Variants in TNR observed in about 807,000 individuals in gnomAD.
TNR encodes tenascin R.
In TNR, 45 loss-of-function variants were observed where a neutral mutation model predicts 150.4. The ratio of observed to expected loss-of-function variants is 0.30; its 90% confidence interval spans 0.24 to 0.38. The LOEUF is 0.38. TNR is among the 10% of genes least tolerant of loss of function. The pLI, the probability that TNR is intolerant of heterozygous loss-of-function variation, is 1.00. For synonymous variants in TNR, 687 were observed against 678.4 expected (o/e 1.01, Z -0.20); for missense variants, 1,544 against 1,759.1 (o/e 0.88, Z 2.19).
intron 6 of TNR, 140 bp from the exon 7 acceptor site, chr1:175,391,578 C>T: frequency 1.1e-6 from 1 of 938,550 alleles, no homozygotes; most frequent in South Asian, 1.7e-5. Context: ...TCCATGCTGA[C>T]AGCTGAGTAT....
chr1:175,599,946 G>A lies in TNR; in HGVS notation c.-164-71577C>T, dbSNP rs1403422815. ...CGGTTCTACAGGAGGGAGGAAAAGA[G>A]TGAGCCATATGATAGAGTAAAATCC... On this transcript the variant is annotated intron_variant, in intron 1 of 22. Coordinates refer to ENST00000367674, the MANE Select transcript of TNR (RefSeq NM_003285.3). The surrounding 1 kb of genome is among the most constrained non-coding windows in gnomAD (Gnocchi z 4.7). 5.3e-5 allele frequency among the ~76,000 whole-genome samples: 8 copies of A among 152,340 alleles called. No homozygotes were observed. Among genetic ancestry groups the A allele is most frequent in the African/African-American group, 1.7e-4 (7 of 41,576 alleles).
At chr1:175,447,593 A>T (rs1383425172) in intron 2 of TNR, among the ~76,000 whole-genome samples, 4 of 152,230 alleles carry the variant, frequency 2.6e-5, no homozygotes, top group Non-Finnish European at 5.9e-5. Context: ...AATCAGAAGC[A>T]GGGGGACCTC....
In TNR at chr1:175,382,409, C is replaced by A. The variant is rs374285301; in HGVS notation, c.1778-2672G>T. 3.9e-5 allele frequency among the ~76,000 whole-genome samples: 6 copies of A among 152,326 alleles called. No individual in the cohort carries two copies. In the South Asian group the frequency reaches 1.2e-3, roughly 32 times the overall value. On this transcript the variant is annotated intron_variant, in intron 8 of 22. Coordinates refer to ENST00000367674, the MANE Select transcript of TNR (RefSeq NM_003285.3). ...GGTCTTGTATGAGCAGGAAGTCCTA[C>A]CCTGCTCTTTGCAGCCAGATTCTTG... is the stretch of plus-strand genomic sequence containing the variant.
intron 2 of TNR, among the ~76,000 whole-genome samples, chr1:175,413,441 T>C (rs1212349329): frequency 3.9e-5 from 6 of 152,248 alleles, no homozygotes. Flanking sequence ...TCATCTCCTT[T>C]AGAGAGGTCC....
intron 1 of TNR, among the ~76,000 whole-genome samples, chr1:175,608,415 A>C (rs965998176): frequency 6.6e-6 from 1 of 152,220 alleles, no homozygotes; most frequent in East Asian, 1.9e-4. Flanking sequence ...AAGTAAATGC[A>C]ATTGTAAGTA....
At chr1:175,671,501 G>T (rs182873247) in intron 1 of TNR, among the ~76,000 whole-genome samples, 1 of 152,170 alleles carries the variant, frequency 6.6e-6, no homozygotes, top group Admixed American at 6.5e-5. Flanking sequence ...CCCCTGAATG[G>T]GTATGGTGAT....
At position 175,484,510 on chromosome 1, in the gene TNR, T is replaced by C. The variant is rs185288308; in HGVS notation, c.-64+43759A>G. Among the ~76,000 whole-genome samples, 4 of 152,292 alleles carry C rather than the reference T, an allele frequency of 2.6e-5. No individual in the cohort carries two copies. The East Asian group carries it at 5.8e-4, about 22-fold the overall frequency. On this transcript the variant is annotated intron_variant, in intron 2 of 22. Transcript: ENST00000367674. ...CCACCCTCCCCTGGCCTGTGTCTTG[T>C]TTCCTGCCTCTCCTAGTCTTTCTCT... is the stretch of plus-strand genomic sequence containing the variant.
At chr1:175,422,058 G>A (rs1358966360) in intron 2 of TNR, among the ~76,000 whole-genome samples, 1 of 152,198 alleles carries the variant, frequency 6.6e-6, no homozygotes, top group Non-Finnish European at 1.5e-5. Flanking sequence ...GTACAGAGTG[G>A]TTAAGTGACT....
intron 2 of TNR, among the ~76,000 whole-genome samples, chr1:175,437,113 C>T (rs1655549413): frequency 6.6e-6 from 1 of 152,162 alleles, no homozygotes; most frequent in South Asian, 2.1e-4. Flanking sequence ...CCAAAACTGA[C>T]CACATAGTTG....
intron 2 of TNR, among the ~76,000 whole-genome samples, chr1:175,455,572 C>T (rs890234369): frequency 1.3e-5 from 2 of 152,092 alleles, no homozygotes; most frequent in African/African-American, 4.8e-5. Flanking sequence ...AGTCAAGGCA[C>T]TTTTTAATAT....
chr1:175,657,350 A>G (rs567174719), intron 1 of TNR, among the ~76,000 whole-genome samples: 2 of 152,356 alleles, frequency 1.3e-5, no homozygotes, highest in Non-Finnish European at 2.9e-5. Context: ...ACCATTGTGG[A>G]AGTCAGTGTG....
chr1:175,419,785 G>A (rs859475), intron 2 of TNR, among the ~76,000 whole-genome samples: 69,588 of 151,958 alleles, frequency 0.46, 16,729 homozygotes, highest in African/African-American at 0.6. Flanking sequence ...CCTGGCCCCA[G>A]TCCCCTTTTA....
chr1:175,381,077 A>C (rs536095989), intron 8 of TNR, among the ~76,000 whole-genome samples: 32 of 152,124 alleles, frequency 2.1e-4, no homozygotes, highest in Non-Finnish European at 4.6e-4. Flanking sequence ...ATTCTTCCTC[A>C]CTCACTGTAC....
intron 2 of TNR, among the ~76,000 whole-genome samples, chr1:175,447,220 T>G (rs1317447776): frequency 1.4e-5 from 2 of 145,450 alleles, no homozygotes; most frequent in African/African-American, 2.6e-5. Context: ...GAGGAGTGGG[T>G]GAGGAGGGGG....
At chr1:175,563,080 G>T (rs1661495425) in intron 1 of TNR, among the ~76,000 whole-genome samples, 1 of 152,206 alleles carries the variant, frequency 6.6e-6, no homozygotes, top group African/African-American at 2.4e-5. Flanking sequence ...GGTCTCTTGG[G>T]TGCCCACAAA....
chr1:175,568,386 A>C (rs532655617), intron 1 of TNR, among the ~76,000 whole-genome samples: 1 of 152,210 alleles, frequency 6.6e-6, no homozygotes, highest in East Asian at 1.9e-4. Context: ...GGGCCCATGA[A>C]ACAAGCTTTG....
intron 2 of TNR, among the ~76,000 whole-genome samples, chr1:175,503,340 T>C (rs1384212536): frequency 6.6e-6 from 1 of 152,204 alleles, no homozygotes; most frequent in East Asian, 1.9e-4. Flanking sequence ...CTGTAATGGA[T>C]TGTAATAGCA....
At chr1:175,499,043 G>T (rs1471587484) in intron 2 of TNR, among the ~76,000 whole-genome samples, 1 of 152,172 alleles carries the variant, frequency 6.6e-6, no homozygotes, top group Non-Finnish European at 1.5e-5. Flanking sequence ...ACCTATGAAA[G>T]TCGACATAGC....
intron 13 of TNR, among the ~76,000 whole-genome samples, chr1:175,363,438 T>C (rs1207784510): frequency 6.6e-6 from 1 of 152,216 alleles, no homozygotes; most frequent in Non-Finnish European, 1.5e-5. Flanking sequence ...GGGCTCTTTT[T>C]TTCTCAAGAC....
Sources: gnomAD v4.1 joint callset for allele counts (sites outside exome capture counted in the v4.1 genomes callset) on GRCh38, gnomAD v4.1.1 for gene constraint, Gnocchi (gnomAD v3.1) non-coding constraint, MANE v1.5 for transcripts, NCBI Gene and HGNC (gene_info 2026-07-23, HGNC 2026-07-21) for gene names.